Variants in MIX23 observed in about 807,000 individuals in gnomAD.
MIX23 encodes the protein mitochondrial matrix import factor 23.
MIX23 carries 13 observed loss-of-function variants against 21.6 expected under a neutral mutation model. The observed-to-expected ratio is 0.60, with a 90% CI of 0.39 to 0.96. MIX23 has a LOEUF of 0.96. Among genes scored for constraint, MIX23 ranks in the 40% least tolerant of loss-of-function variants. MIX23 has a pLI of 0.00. For missense variants in MIX23, 144 were observed against 171.2 expected (o/e 0.84, Z 0.89); for synonymous variants, 59 against 58.0 (o/e 1.02, Z -0.08).
intron 4 of MIX23, among the ~76,000 whole-genome samples, chr3:122,361,010 A>C (rs1472265374): frequency 6.6e-6 from 1 of 151,834 alleles, no homozygotes; most frequent in Non-Finnish European, 1.5e-5. Flanking sequence ...TGCCCAGCTA[A>C]TTTTTTGTAT....
In MIX23 at chr3:122,363,037, A is replaced by G; in HGVS notation, c.325-10T>C. On this transcript the variant is annotated splice_polypyrimidine_tract_variant and intron_variant, in intron 3 of 4. Transcript: ENST00000291458. The stretch of plus-strand genomic sequence containing the variant: ...ACTGCATCCATTTCAACTGCAAGAA[A>G]AAAAAAAATTGAAGTTATAAAATTT... 6.2e-7 allele frequency: 1 copy of G among 1,602,236 alleles called. No individual in the cohort carries two copies. The highest frequency in any genetic ancestry group is 2.2e-5 in the East Asian group (1 of 44,820).
At chr3:122,362,122 TA>T (rs1390971888) in intron 4 of MIX23, among the ~76,000 whole-genome samples, 2 of 152,230 alleles carry the variant, frequency 1.3e-5, no homozygotes, top group African/African-American at 4.8e-5. Context: ...TCTGGTCCCC[TA>T]ATCTAGTTCC....
intron 1 of MIX23, among the ~76,000 whole-genome samples, chr3:122,378,262 A>T (rs1297724661): frequency 6.6e-6 from 1 of 152,242 alleles, no homozygotes; most frequent in African/African-American, 2.4e-5. Flanking sequence ...AACTTTAACC[A>T]GTTTTGAGTT....
intron 2 of MIX23, among the ~76,000 whole-genome samples, chr3:122,370,403 G>A (rs1576234555): frequency 1.4e-5 from 2 of 139,276 alleles, no homozygotes; most frequent in Admixed American, 1.5e-4. Flanking sequence ...GCTGCACTGA[G>A]CTGAGATTCT....
chr3:122,373,779 C>A (rs1038822344), intron 1 of MIX23, among the ~76,000 whole-genome samples: 1 of 152,194 alleles, frequency 6.6e-6, no homozygotes, highest in Admixed American at 6.5e-5. Flanking sequence ...ATACCTCAAT[C>A]TAGAAGTGAA....
intron 1 of MIX23, 25 bp from the exon 2 acceptor site, chr3:122,371,825 T>C (rs1185974339): frequency 8.4e-6 from 13 of 1,542,588 alleles, no homozygotes; most frequent in Non-Finnish European, 9.7e-6. Context: ...AATAAAAGAA[T>C]ATAACCCAAA....
intron 4 of MIX23, among the ~76,000 whole-genome samples, chr3:122,362,639 G>C (rs187173690): frequency 6.6e-6 from 1 of 151,790 alleles, no homozygotes; most frequent in Admixed American, 6.6e-5. Context: ...ATGCCACCAC[G>C]CTAATTTTTG....
chr3:122,378,445 G>A (rs892144965), intron 1 of MIX23, among the ~76,000 whole-genome samples: 1 of 152,190 alleles, frequency 6.6e-6, no homozygotes, highest in African/African-American at 2.4e-5. Context: ...TAATGACAAG[G>A]AAACATTCTG....
At chr3:122,366,751 G>GT (rs977145789) in intron 3 of MIX23, 14 of 152,158 alleles carry the variant, frequency 9.2e-5, no homozygotes, top group Admixed American at 2.6e-4. Flanking sequence ...ATAAACCCGT[G>GT]TAACATGGTG....
At chr3:122,380,864 C>T (rs567308260) in intron 1 of MIX23, among the ~76,000 whole-genome samples, 3 of 152,090 alleles carry the variant, frequency 2.0e-5, no homozygotes, top group African/African-American at 7.2e-5. Flanking sequence ...ATGATACGGG[C>T]CTAAACAAAG....
intron 1 of MIX23, among the ~76,000 whole-genome samples, chr3:122,372,206 C>T (rs2075446727): frequency 1.8e-5 from 2 of 110,458 alleles, no homozygotes; most frequent in South Asian, 2.9e-4. Context: ...CATCTTACCT[C>T]AGAAAGCCTC....
intron 1 of MIX23, among the ~76,000 whole-genome samples, chr3:122,376,862 T>A (rs9858348): frequency 0.59 from 89,851 of 151,948 alleles, 26,860 homozygotes; most frequent in East Asian, 0.69. Flanking sequence ...TGTTGGGTAC[T>A]ATGTTCATAA....
At chr3:122,372,220 C>T in intron 1 of MIX23, among the ~76,000 whole-genome samples, 1 of 106,304 alleles carries the variant, frequency 9.4e-6, no homozygotes, top group East Asian at 2.8e-4. Context: ...AAGCCTCCAA[C>T]TCTCAAAAAA....
At chr3:122,381,023 GAAT>G (rs1356856021) in intron 1 of MIX23, among the ~76,000 whole-genome samples, 1 of 152,098 alleles carries the variant, frequency 6.6e-6, no homozygotes, top group Non-Finnish European at 1.5e-5. Context: ...GCCCCTGTAT[GAAT>G]AATGTGTTCT....
Position 122,363,026 on chromosome 3 carries a change from A to C in MIX23, c.326T>G (p.Leu109Trp), listed in dbSNP as rs1559988735. The part of the protein sequence containing the change: ...LKQLRKEQTK[L>W]KWMQSELNVE... ...ATTCAGTTCTGACTGCATCCATTTC[A>C]ACTGCAAGAAAAAAAAAAATTGAAG... Residue 109 changes from leucine to tryptophan, a missense_variant and splice_region_variant, in exon 4 of 5, where the codon TTG (leucine) becomes TGG (tryptophan). Leu to Trp is a moderately conservative substitution (Grantham distance 61, BLOSUM62 -2). Coordinates refer to ENST00000291458, the MANE Select transcript of MIX23 (RefSeq NM_001017928.4). 6 of 1,606,220 alleles carry C rather than the reference A, an allele frequency of 3.7e-6. No individual in the cohort carries two copies. The highest frequency in any genetic ancestry group is 4.2e-6 in the Non-Finnish European group (5 of 1,177,020).
chr3:122,360,882 C>T (rs1337048238), intron 4 of MIX23, among the ~76,000 whole-genome samples: 7 of 152,086 alleles, frequency 4.6e-5, no homozygotes, highest in Non-Finnish European at 8.8e-5. Context: ...TCGCTCTTGT[C>T]GCCCAGGCTG....
chr3:122,364,189 C>T (rs1469775704), intron 3 of MIX23, among the ~76,000 whole-genome samples: 1 of 152,224 alleles, frequency 6.6e-6, no homozygotes, highest in African/African-American at 2.4e-5. Context: ...TCCAATGGCT[C>T]CTTGCAAACT....
At chr3:122,375,790 T>G (rs1026119487) in intron 1 of MIX23, among the ~76,000 whole-genome samples, 1 of 152,146 alleles carries the variant, frequency 6.6e-6, no homozygotes, top group African/African-American at 2.4e-5. Flanking sequence ...ATGTGGAGAC[T>G]TCTCAGAGAA....
intron 1 of MIX23, among the ~76,000 whole-genome samples, chr3:122,379,136 A>G (rs56236741): frequency 0.2 from 30,313 of 152,168 alleles, 3,654 homozygotes; most frequent in African/African-American, 0.33. Context: ...AAAGAAAAAA[A>G]GGGAGGTAAA....
Sources: gnomAD v4.1 joint callset for allele counts (sites outside exome capture counted in the v4.1 genomes callset) on GRCh38, gnomAD v4.1.1 for gene constraint, MANE v1.5 for transcripts, NCBI Gene and HGNC (gene_info 2026-07-23, HGNC 2026-07-21) for gene names.